Variants in TENM2 observed in about 807,000 individuals in gnomAD.
TENM2 encodes the protein teneurin transmembrane protein 2.
Under a neutral mutation model 245.2 loss-of-function variants are expected in TENM2, and 52 were observed. The ratio of observed to expected loss-of-function variants is 0.21; its 90% CI spans 0.17 to 0.27. The LOEUF (loss-of-function observed/expected upper bound fraction) is 0.27. Ranked by LOEUF, TENM2 falls within the 10% of genes least tolerant of loss-of-function variation. The pLI is 1.00. For missense variants in TENM2, 3,046 were observed against 3,666.8 expected (o/e 0.83, Z 4.37); for synonymous variants, 1,363 against 1,438.9 (o/e 0.95, Z 1.19).
At chr5:167,849,683 AT>A (rs1770390406) in intron 2 of TENM2, among the ~76,000 whole-genome samples, 1 of 152,214 alleles carries the variant, frequency 6.6e-6, no homozygotes, top group African/African-American at 2.4e-5. Flanking sequence ...CAGAGGACCC[AT>A]GACCCCTTCC....
chr5:167,494,265 C>T (rs1768636871), intron 2 of TENM2, among the ~76,000 whole-genome samples: 1 of 151,994 alleles, frequency 6.6e-6, no homozygotes, highest in Non-Finnish European at 1.5e-5. Context: ...AAGCACACTT[C>T]TTGCAGAAGA....
At chr5:167,640,860 CATATATATATAT>C (rs58985992) in intron 2 of TENM2, among the ~76,000 whole-genome samples, 707 of 47,354 alleles carry the variant, frequency 0.015, 18 homozygotes, top group East Asian at 0.071. Context: ...TATATATATC[CATATATATATAT>C]ATATATATAT....
chr5:167,087,080 T>C, the TENM2 span, among the ~76,000 whole-genome samples: 1 of 152,108 alleles, frequency 6.6e-6, no homozygotes, highest in Admixed American at 6.6e-5. Context: ...CTGTTCAAGA[T>C]GATATGGTGC....
intron 2 of TENM2, among the ~76,000 whole-genome samples, chr5:167,596,064 A>G (rs1220855882): frequency 6.6e-6 from 1 of 152,156 alleles, no homozygotes; most frequent in East Asian, 1.9e-4. Context: ...TTTTCTCCTA[A>G]CGCTATTTTG....
chr5:167,841,554 A>G (rs1203692905), intron 2 of TENM2, among the ~76,000 whole-genome samples: 1 of 152,182 alleles, frequency 6.6e-6, no homozygotes, highest in Non-Finnish European at 1.5e-5. Flanking sequence ...TAAGGGTGAG[A>G]TCCCCATGCA....
chr5:168,150,667 T>C (rs930880331), intron 12 of TENM2, among the ~76,000 whole-genome samples: 1 of 152,140 alleles, frequency 6.6e-6, no homozygotes, highest in Non-Finnish European at 1.5e-5. Context: ...GGGAAATCTA[T>C]ATGGGAAATG....
intron 4 of TENM2, among the ~76,000 whole-genome samples, chr5:167,990,895 C>A (rs1203103800): frequency 6.6e-6 from 1 of 152,166 alleles, no homozygotes; most frequent in Non-Finnish European, 1.5e-5. Flanking sequence ...AGCAATCCTG[C>A]CTTAGAAGCC....
the TENM2 span, among the ~76,000 whole-genome samples, chr5:167,149,319 T>A: frequency 6.6e-6 from 1 of 152,220 alleles, no homozygotes; most frequent in Non-Finnish European, 1.5e-5. Context: ...TCTTCAGTTG[T>A]TATTTATCTA....
At chr5:168,197,997 A>G (rs749715762) in intron 15 of TENM2, among the ~76,000 whole-genome samples, 1 of 152,136 alleles carries the variant, frequency 6.6e-6, no homozygotes, top group Non-Finnish European at 1.5e-5. Context: ...TGAACATTCT[A>G]TTAGCCTAGG....
At chr5:167,152,571 A>G in the TENM2 span, among the ~76,000 whole-genome samples, 2 of 152,260 alleles carry the variant, frequency 1.3e-5, no homozygotes. Flanking sequence ...ATAGATGTAT[A>G]TTTGGCATTT....
chr5:167,212,087 C>G, the TENM2 span, among the ~76,000 whole-genome samples: 5 of 152,088 alleles, frequency 3.3e-5, no homozygotes, highest in African/African-American at 1.2e-4. Context: ...CAAGTTCTGT[C>G]GATTCAAACA....
intron 2 of TENM2, among the ~76,000 whole-genome samples, chr5:167,868,213 C>G (rs1772496409): frequency 1.3e-5 from 2 of 152,084 alleles, no homozygotes; most frequent in Non-Finnish European, 2.9e-5. Flanking sequence ...CCACCAGAAG[C>G]CAGTAGCACC....
At chr5:167,555,356 T>C (rs1194456484) in intron 2 of TENM2, among the ~76,000 whole-genome samples, 1 of 152,262 alleles carries the variant, frequency 6.6e-6, no homozygotes. Context: ...CTTACTATGG[T>C]AATTTTTCCC....
the TENM2 span, among the ~76,000 whole-genome samples, chr5:167,135,538 A>T: frequency 2.6e-5 from 4 of 152,092 alleles, no homozygotes; most frequent in Admixed American, 1.3e-4. Context: ...GCACTTTGGG[A>T]GGCTGAGGTG....
chr5:168,243,287 C>T (rs1000988555), intron 25 of TENM2, among the ~76,000 whole-genome samples: 2 of 152,188 alleles, frequency 1.3e-5, no homozygotes, highest in African/African-American at 4.8e-5. Flanking sequence ...CTGGGATAGG[C>T]TTTCTTCTCT....
chr5:167,481,513 T>C (rs966169289), intron 2 of TENM2, among the ~76,000 whole-genome samples: 11 of 152,210 alleles, frequency 7.2e-5, no homozygotes, highest in African/African-American at 2.7e-4. Context: ...AAGGCACGGT[T>C]CTGTAGCTGC....
chr5:168,007,256 G>A (rs959578726), intron 5 of TENM2, among the ~76,000 whole-genome samples: 1 of 152,068 alleles, frequency 6.6e-6, no homozygotes, highest in Non-Finnish European at 1.5e-5. Flanking sequence ...AGCCTCCCCA[G>A]TAGCTGGGAT....
chr5:168,238,440 AC>A (rs1292754151), intron 25 of TENM2, among the ~76,000 whole-genome samples: 1 of 151,860 alleles, frequency 6.6e-6, no homozygotes, highest in Non-Finnish European at 1.5e-5. Flanking sequence ...GACTCTCGTG[AC>A]CCCCCTCACT....
chr5:167,084,951 C>T, the TENM2 span, among the ~76,000 whole-genome samples: 193 of 152,172 alleles, frequency 1.3e-3, no homozygotes, highest in Non-Finnish European at 2.0e-3. Flanking sequence ...CATTAGGGCC[C>T]TAGTACATAA....
Sources: gnomAD v4.1 joint callset for allele counts (sites outside exome capture counted in the v4.1 genomes callset) on GRCh38, gnomAD v4.1.1 for gene constraint, MANE v1.5 for transcripts, NCBI Gene and HGNC (gene_info 2026-07-23, HGNC 2026-07-21) for gene names.